Variants in FNIP1 observed in about 807,000 individuals in gnomAD.
The protein encoded by FNIP1 is folliculin-interacting protein 1.
In FNIP1, 40 loss-of-function variants were observed where a neutral mutation model predicts 124.5. The observed-to-expected ratio is 0.32, with a 90% CI of 0.25 to 0.42. The LOEUF (loss-of-function observed/expected upper bound fraction) is 0.42. FNIP1 is among the 10% of genes least tolerant of loss of function. The pLI is 1.00. For missense variants in FNIP1, 1,176 were observed against 1,403.7 expected, an observed-to-expected ratio of 0.84 and a Z score of 2.59; for synonymous variants, 472 against 470.6, an observed-to-expected ratio of 1.00 and a Z score of -0.04.
intron 10 of FNIP1, 147 bp downstream of exon 10, chr5:131,703,918 G>A: frequency 1.7e-6 from 1 of 601,604 alleles, no homozygotes; most frequent in Non-Finnish European, 2.9e-6. Context: ...ACCTTAAAAA[G>A]GGTTCAATCT....
At chr5:131,649,975 C>A (rs1766996468) in intron 16 of FNIP1, among the ~76,000 whole-genome samples, 1 of 152,146 alleles carries the variant, frequency 6.6e-6, no homozygotes, top group Non-Finnish European at 1.5e-5. Context: ...TTCCATTGGT[C>A]TATATACCTG....
At chr5:131,735,454 A>ATATATAT (rs1554097348) in intron 2 of FNIP1, among the ~76,000 whole-genome samples, 2 of 147,484 alleles carry the variant, frequency 1.4e-5, no homozygotes, top group Non-Finnish European at 3.0e-5. Context: ...AACTTAAAGT[A>ATATATAT]TTTTATATAT....
intron 15 of FNIP1, among the ~76,000 whole-genome samples, chr5:131,663,414 CT>C (rs1237040818): frequency 6.6e-6 from 1 of 152,160 alleles, no homozygotes; most frequent in Non-Finnish European, 1.5e-5. Flanking sequence ...ATATATACAG[CT>C]CCAATTAATT....
intron 17 of FNIP1, 35 bp from the exon 18 acceptor site, chr5:131,644,798 T>A (rs1183693669): frequency 1.9e-6 from 3 of 1,598,626 alleles, no homozygotes; most frequent in Non-Finnish European, 2.6e-6. Flanking sequence ...CAGTTTTGAT[T>A]TTCTGTACTG....
chr5:131,788,833 A>T (rs1021095120), intron 1 of FNIP1, among the ~76,000 whole-genome samples: 1 of 152,206 alleles, frequency 6.6e-6, no homozygotes, highest in African/African-American at 2.4e-5. Flanking sequence ...AAAAGCAGAT[A>T]AAATTAACAA....
At chr5:131,743,213 A>G (rs1770567533) in intron 2 of FNIP1, among the ~76,000 whole-genome samples, 2 of 152,230 alleles carry the variant, frequency 1.3e-5, no homozygotes, top group Admixed American at 6.5e-5. Flanking sequence ...TATAGGATAA[A>G]GGCATAATAA....
At chr5:131,739,661 A>C (rs1770441811) in intron 2 of FNIP1, among the ~76,000 whole-genome samples, 1 of 151,564 alleles carries the variant, frequency 6.6e-6, no homozygotes. Flanking sequence ...AAAATACAAA[A>C]CGTTAGCCGG....
chr5:131,644,825 A>C, intron 17 of FNIP1, 62 bp from the exon 18 acceptor site: 1 of 1,514,698 alleles, frequency 6.6e-7, no homozygotes, highest in Middle Eastern at 1.7e-4. Context: ...TGAACTCTAC[A>C]GGCAATGACC....
At chr5:131,786,538 C>T (rs1232605973) in intron 1 of FNIP1, among the ~76,000 whole-genome samples, 1 of 152,152 alleles carries the variant, frequency 6.6e-6, no homozygotes, top group East Asian at 1.9e-4. Flanking sequence ...AAAATGAAGG[C>T]TGGAAAAGAG....
chr5:131,652,027 T>G (rs760548724), intron 15 of FNIP1, 28 bp from the exon 16 acceptor site: 4 of 1,587,328 alleles, frequency 2.5e-6, no homozygotes, highest in Non-Finnish European at 3.4e-6. Flanking sequence ...ATTCATCTTA[T>G]GTTTAGCAAA....
intron 1 of FNIP1, among the ~76,000 whole-genome samples, chr5:131,789,336 A>G (rs1016370062): frequency 1.3e-5 from 2 of 152,192 alleles, no homozygotes; most frequent in Non-Finnish European, 2.9e-5. Context: ...GGGTATGACA[A>G]ATTTTTAAAA....
intron 17 of FNIP1, 117 bp downstream of exon 17, chr5:131,646,973 G>A: frequency 1.2e-6 from 1 of 817,072 alleles, no homozygotes; most frequent in South Asian, 1.6e-5. Flanking sequence ...AATGATAACA[G>A]CCTCCAGCTT....
chr5:131,794,229 TAAAAAAAAAAAAAAAA>T (rs60617618), intron 1 of FNIP1, among the ~76,000 whole-genome samples: 1 of 48,450 alleles, frequency 2.1e-5, no homozygotes, highest in African/African-American at 7.3e-5. Context: ...AGACTCCATC[TAAAAAAAAAAAAAAAA>T]AAAAAAAAAG....
At chr5:131,725,029 C>A (rs1769813060) in intron 3 of FNIP1, among the ~76,000 whole-genome samples, 1 of 152,130 alleles carries the variant, frequency 6.6e-6, no homozygotes, top group Non-Finnish European at 1.5e-5. Context: ...GGCATTATTT[C>A]TGAGGCCTCT....
At chr5:131,793,713 C>T (rs1437759861) in intron 1 of FNIP1, among the ~76,000 whole-genome samples, 1 of 152,112 alleles carries the variant, frequency 6.6e-6, no homozygotes, top group Non-Finnish European at 1.5e-5. Flanking sequence ...ATTCTAAAGT[C>T]CTGCTGTGGC....
chr5:131,718,508 C>A (rs1367387369), intron 5 of FNIP1, among the ~76,000 whole-genome samples: 1 of 152,220 alleles, frequency 6.6e-6, no homozygotes, highest in East Asian at 1.9e-4. Context: ...ACCAGGCCTG[C>A]CTTTGTTTCA....
chr5:131,776,479 C>A lies in FNIP1; in HGVS notation c.92+20351G>T, dbSNP rs556813159. ...CTTAATAGTCAAAAATTGGAAATAA[C>A]CCTTTGACTGAAAAACAATACTCCA... On this transcript the variant is annotated intron_variant, in intron 1 of 17. Transcript: ENST00000510461. Among the ~76,000 whole-genome samples the A allele has an allele frequency of 2.5e-4, 38 of 152,232 alleles. No homozygotes were observed. The South Asian group carries it at 7.5e-3, about 30-fold the overall frequency.
At chr5:131,778,459 C>G (rs1456279105) in intron 1 of FNIP1, among the ~76,000 whole-genome samples, 2 of 150,240 alleles carry the variant, frequency 1.3e-5, no homozygotes, top group Non-Finnish European at 3.0e-5. Flanking sequence ...TCATCTCACA[C>G]CAGTTAGAAT....
intron 16 of FNIP1, among the ~76,000 whole-genome samples, chr5:131,649,641 T>C (rs1346155312): frequency 6.6e-6 from 1 of 152,200 alleles, no homozygotes; most frequent in Non-Finnish European, 1.5e-5. Flanking sequence ...ACAAAAGTTT[T>C]TAATTTGATG....
Sources: gnomAD v4.1 joint callset for allele counts (sites outside exome capture counted in the v4.1 genomes callset) on GRCh38, gnomAD v4.1.1 for gene constraint, MANE v1.5 for transcripts, NCBI Gene and HGNC (gene_info 2026-07-23, HGNC 2026-07-21) for gene names.